Variants in MAGI3 observed in about 807,000 individuals in gnomAD.
The protein encoded by MAGI3 is membrane associated guanylate kinase, WW and PDZ domain containing 3.
A neutral mutation model predicts 121.8 loss-of-function variants in MAGI3; 43 were observed. The ratio of observed to expected loss-of-function variants is 0.35; its 90% CI spans 0.28 to 0.46. The LOEUF is 0.46. Among genes scored for constraint, MAGI3 ranks in the 20% least tolerant of loss-of-function variants. The pLI, the probability that MAGI3 is intolerant of heterozygous loss-of-function variation, is 1.00. For synonymous variants in MAGI3, 553 were observed against 639.3 expected (o/e 0.86, Z 2.04); for missense variants, 1,547 against 1,797.3 (o/e 0.86, Z 2.52).
intron 9 of MAGI3, among the ~76,000 whole-genome samples, chr1:113,637,364 G>A (rs1463493805): frequency 1.3e-5 from 2 of 152,156 alleles, no homozygotes; most frequent in Non-Finnish European, 2.9e-5. Flanking sequence ...GCAGTGGCTG[G>A]TACCAGTTGT....
chr1:113,454,079 TA>T (rs1654627023), intron 1 of MAGI3, among the ~76,000 whole-genome samples: 1 of 152,240 alleles, frequency 6.6e-6, no homozygotes, highest in African/African-American at 2.4e-5. Flanking sequence ...ACTGATCTTC[TA>T]TTAGGTTAAC....
At chr1:113,620,481 C>G (rs1236436890) in intron 8 of MAGI3, among the ~76,000 whole-genome samples, 1 of 152,136 alleles carries the variant, frequency 6.6e-6, no homozygotes, top group Non-Finnish European at 1.5e-5. Flanking sequence ...TTGTAGTAAT[C>G]CAGTAGATTC....
At chr1:113,401,257 C>T (rs1293988702) in intron 1 of MAGI3, among the ~76,000 whole-genome samples, 2 of 152,036 alleles carry the variant, frequency 1.3e-5, no homozygotes, top group African/African-American at 4.8e-5. Context: ...AACCTGTCTT[C>T]CTTTTTCTAG....
chr1:113,641,109 A>T (rs1222065806), intron 9 of MAGI3, among the ~76,000 whole-genome samples: 1 of 12,394 alleles, frequency 8.1e-5, no homozygotes, highest in South Asian at 3.3e-3. Flanking sequence ...ATGATATATA[A>T]ATATATATGA....
At chr1:113,643,180 T>A (rs2101825629) in intron 10 of MAGI3, among the ~76,000 whole-genome samples, 1 of 152,362 alleles carries the variant, frequency 6.6e-6, no homozygotes, top group South Asian at 2.1e-4. Context: ...TGAATTTTAA[T>A]ATGCTTTCTT....
rs114779798 is a variant in MAGI3 at position 113,424,611 on chromosome 1, G to C, written c.316+33262G>C. Among the ~76,000 whole-genome samples the C allele has an allele frequency of 5.0e-3, 760 of 152,268 alleles. 6 individuals are homozygous for C. Among genetic ancestry groups the C allele is most frequent in the African/African-American group, 0.017 (696 of 41,536 alleles). On this transcript the variant is annotated intron_variant, in intron 1 of 20. Transcript: ENST00000307546. Reference sequence around the variant, plus strand: ...CATAATCTCCTTGACATTCATCCAAGTTGTTGCATGTAGCAATTATACCAA... The same window carrying C: ...CATAATCTCCTTGACATTCATCCAACTTGTTGCATGTAGCAATTATACCAA...
chr1:113,606,841 T>C (rs77520772), intron 6 of MAGI3, among the ~76,000 whole-genome samples: 3,685 of 152,294 alleles, frequency 0.024, 67 homozygotes, highest in Middle Eastern at 0.048. Context: ...TTTTTCTTTT[T>C]TCTCTTTTTG....
At chr1:113,411,080 C>T (rs1218665093) in intron 1 of MAGI3, among the ~76,000 whole-genome samples, 5 of 152,120 alleles carry the variant, frequency 3.3e-5, no homozygotes, top group Non-Finnish European at 7.4e-5. Context: ...AAAGTTGAAT[C>T]AGTCTTAAGT....
chr1:113,582,347 A>AGT, intron 3 of MAGI3, among the ~76,000 whole-genome samples: 1 of 152,248 alleles, frequency 6.6e-6, no homozygotes, highest in South Asian at 2.1e-4. Flanking sequence ...TATTTGTTAT[A>AGT]GTGTGAAACA....
intron 1 of MAGI3, among the ~76,000 whole-genome samples, chr1:113,460,432 C>A (rs1399449044): frequency 6.6e-6 from 1 of 152,080 alleles, no homozygotes; most frequent in Admixed American, 6.6e-5. Context: ...AGCAGTCATG[C>A]AAGAGAGAGA....
At chr1:113,596,336 T>G (rs1484697394) in intron 6 of MAGI3, among the ~76,000 whole-genome samples, 1 of 152,180 alleles carries the variant, frequency 6.6e-6, no homozygotes, top group East Asian at 1.9e-4. Flanking sequence ...TACAAACAGT[T>G]AATTTCAGAT....
intron 3 of MAGI3, among the ~76,000 whole-genome samples, chr1:113,581,368 A>T (rs1648012860): frequency 6.6e-6 from 1 of 152,164 alleles, no homozygotes. Context: ...GATAGTGTTC[A>T]ATAAATATCT....
At chr1:113,416,873 A>G (rs1652478646) in intron 1 of MAGI3, among the ~76,000 whole-genome samples, 1 of 151,956 alleles carries the variant, frequency 6.6e-6, no homozygotes, top group African/African-American at 2.4e-5. Context: ...ATTTATTAAG[A>G]AAGTATTTGT....
intron 3 of MAGI3, among the ~76,000 whole-genome samples, chr1:113,585,012 G>C (rs970672115): frequency 8.0e-6 from 1 of 124,802 alleles, no homozygotes; most frequent in Non-Finnish European, 1.6e-5. Flanking sequence ...CTGTCACCCA[G>C]GCTGGAGTGT....
chr1:113,468,567 G>C (rs979954976), intron 1 of MAGI3, among the ~76,000 whole-genome samples: 1 of 152,116 alleles, frequency 6.6e-6, no homozygotes, highest in South Asian at 2.1e-4. Context: ...GTGCCAGTAG[G>C]TGAAGAAGGG....
In MAGI3 at chr1:113,437,895, T is replaced by C. The variant is rs1653698676; in HGVS notation, c.316+46546T>C. Among the ~76,000 whole-genome samples, 5 of 11,846 alleles carry C rather than the reference T, an allele frequency of 4.2e-4. 1 individual carries two copies. Among genetic ancestry groups the C allele is most frequent in the Non-Finnish European group, 7.3e-4 (5 of 6,862 alleles). The allele number at this position is 11,846 out of a possible 152,430, so 7.8% of individuals were successfully genotyped here. ...TTCTTCTTCTCCTTCTCCTTCTCCT[T>C]CTCCTTCTCCTTCTCCTTCTCCTTC... On this transcript the variant is annotated intron_variant, in intron 1 of 20. Coordinates refer to ENST00000307546, the MANE Select transcript of MAGI3 (RefSeq NM_001142782.2).
intron 9 of MAGI3, among the ~76,000 whole-genome samples, chr1:113,640,576 G>A (rs1333796509): frequency 6.6e-6 from 1 of 152,018 alleles, no homozygotes; most frequent in African/African-American, 2.4e-5. Context: ...CATGTCCTTT[G>A]CAGGGACATA....
intron 1 of MAGI3, among the ~76,000 whole-genome samples, chr1:113,420,804 T>C (rs2101379879): frequency 6.6e-6 from 1 of 152,320 alleles, no homozygotes; most frequent in African/African-American, 2.4e-5. Context: ...TAGTTCACTT[T>C]CAGGTAGACT....
At chr1:113,550,468 TA>T (rs1251502884) in intron 2 of MAGI3, among the ~76,000 whole-genome samples, 1 of 151,492 alleles carries the variant, frequency 6.6e-6, no homozygotes, top group African/African-American at 2.4e-5. Flanking sequence ...TTGTGAGTTT[TA>T]AAAAGTGATG....
Sources: allele counts gnomAD v4.1 joint callset (sites outside exome capture counted in the v4.1 genomes callset), GRCh38; gene constraint gnomAD v4.1.1; transcripts MANE v1.5; gene names NCBI Gene and HGNC (gene_info 2026-07-23, HGNC 2026-07-21).